RNFT2: variants seen among roughly 807,000 people sequenced by gnomAD.
The protein encoded by RNFT2 is E3 ubiquitin-protein ligase RNFT2.
RNFT2 carries 36 observed loss-of-function variants against 53.0 expected under a neutral mutation model. That is an observed-to-expected ratio of 0.68 (90% CI 0.52 to 0.90). The LOEUF (loss-of-function observed/expected upper bound fraction) is 0.90, where lower values mean the gene tolerates loss of function less well. Among genes scored for constraint, RNFT2 ranks in the 40% least tolerant of loss-of-function variants. The pLI is 0.00. For synonymous variants in RNFT2, 260 were observed against 253.2 expected (o/e 1.03, Z -0.26); for missense variants, 514 against 585.6 (o/e 0.88, Z 1.26).
chr12:116,822,360 CTG>C (rs748270090), intron 7 of RNFT2, among the ~76,000 whole-genome samples: 99 of 152,148 alleles, frequency 6.5e-4, no homozygotes, highest in Non-Finnish European at 1.1e-3. Flanking sequence ...CTCTCTCTCT[CTG>C]TGGCAATTCC....
chr12:116,833,702 T>G, intron 7 of RNFT2, 90 bp from the exon 8 acceptor site: 1 of 1,323,770 alleles, frequency 7.6e-7, no homozygotes, highest in Non-Finnish European at 1.1e-6. Context: ...TGACCTAGAA[T>G]GTCATCACTG....
rs945254877 is a variant in RNFT2, at chr12:116,783,067, G to A, written c.882+3719G>A. ...AATACATGTTGGCTACCAGGGTGAT[G>A]CTTTTAAATCACTACTATGCCCATC... is the stretch of plus-strand genomic sequence containing the variant. On this transcript the variant is annotated intron_variant, in intron 7 of 10. Transcript: ENST00000257575. Among the ~76,000 whole-genome samples the A allele has an allele frequency of 2.0e-5, 3 of 152,168 alleles. No homozygotes were observed. In the East Asian group the frequency reaches 5.8e-4, roughly 29 times the overall value.
At chr12:116,747,142 C>T (rs1000247300) in intron 3 of RNFT2, among the ~76,000 whole-genome samples, 2 of 152,132 alleles carry the variant, frequency 1.3e-5, no homozygotes, top group African/African-American at 2.4e-5. Flanking sequence ...CTGCAACCTC[C>T]ACCTCCTGGG....
At chr12:116,787,225 T>A (rs1000209942) in intron 7 of RNFT2, among the ~76,000 whole-genome samples, 1 of 152,180 alleles carries the variant, frequency 6.6e-6, no homozygotes, top group African/African-American at 2.4e-5. Context: ...CTCTTCCAAC[T>A]CCCAAGCCCG....
chr12:116,760,330 C>G (rs918578491), intron 5 of RNFT2, among the ~76,000 whole-genome samples: 2 of 152,204 alleles, frequency 1.3e-5, no homozygotes, highest in South Asian at 4.1e-4. Context: ...AGTCTGCACA[C>G]TGGATTTGCA....
chr12:116,819,482 G>GA (rs1875879717), intron 7 of RNFT2, among the ~76,000 whole-genome samples: 1 of 152,094 alleles, frequency 6.6e-6, no homozygotes, highest in South Asian at 2.1e-4. Flanking sequence ...GCTCGCCGAG[G>GA]AGTCGATTTG....
At chr12:116,828,131 C>T (rs114104771) in intron 7 of RNFT2, among the ~76,000 whole-genome samples, 5,677 of 152,286 alleles carry the variant, frequency 0.037, 162 homozygotes, top group African/African-American at 0.072. Flanking sequence ...GGCGCTCAGA[C>T]CAGTGACCAT....
intron 10 of RNFT2, among the ~76,000 whole-genome samples, chr12:116,839,128 T>C (rs1281578748): frequency 2.6e-5 from 4 of 152,214 alleles, no homozygotes; most frequent in Non-Finnish European, 5.9e-5. Flanking sequence ...CATAGATGCC[T>C]GTGTTTTTCC....
At chr12:116,740,549 C>A in intron 2 of RNFT2, 28 bp downstream of exon 2, 2 of 1,555,726 alleles carry the variant, frequency 1.3e-6, no homozygotes, top group East Asian at 2.4e-5. Context: ...GAATTTGCAT[C>A]TTTATTACTA....
chr12:116,750,121 C>T lies in RNFT2; in HGVS notation c.364C>T (p.Arg122Cys), dbSNP rs764785579. ...PHHHFHHGGH[R>C]GGSLLQHVGG... is the part of the protein sequence containing the mutation. Reference sequence around the variant, plus strand: ...CCACCATTTCCACCATGGCGGCCACCGCGGGGGCTCCCTGCTGCAGCACGT... The same window carrying T: ...CCACCATTTCCACCATGGCGGCCACTGCGGGGGCTCCCTGCTGCAGCACGT... Residue 122 changes from arginine to cysteine, a missense_variant, in exon 4 of 11, where the codon CGC (arginine) becomes TGC (cysteine). By Grantham distance (180) the Arg-to-Cys change is radical (BLOSUM62 -3). Around this residue, in one of 3 missense-constraint regions of RNFT2, gnomAD observed 237 missense variants for 235.1 expected, o/e 1.01. Coordinates refer to ENST00000257575, the MANE Select transcript of RNFT2 (RefSeq NM_001382266.1). 1.6e-5 allele frequency: 25 copies of T among 1,569,560 alleles called. No individual in the cohort carries two copies. Among genetic ancestry groups the T allele is most frequent in the Non-Finnish European group, 2.1e-5 (25 of 1,164,190 alleles).
At chr12:116,846,367 G>A (rs1038434745) in intron 10 of RNFT2, among the ~76,000 whole-genome samples, 4 of 151,186 alleles carry the variant, frequency 2.6e-5, no homozygotes, top group South Asian at 4.2e-4. Context: ...AACCTCCTGG[G>A]CTCAAGCAAT....
intron 7 of RNFT2, among the ~76,000 whole-genome samples, chr12:116,824,564 A>C (rs73405186): frequency 0.02 from 3,070 of 152,300 alleles, 118 homozygotes; most frequent in African/African-American, 0.071. Context: ...TGGTAGCAAG[A>C]GCACCAGCCA....
At position 116,794,701 on chromosome 12, in the gene RNFT2, G is replaced by GAA. The variant is rs1874422707; in HGVS notation, c.882+15353_882+15354insAA. Among the ~76,000 whole-genome samples, 2 of 71,834 alleles carry GAA rather than the reference G, an allele frequency of 2.8e-5. 1 individual carries two copies. The allele number at this position is 71,834 out of a possible 152,430, so 47.1% of individuals were successfully genotyped here. A position where few individuals can be genotyped will look rare whatever the true frequency, so the allele number is the denominator to read the frequency against. ...GAGGGAGGGAGGGAGGGAAGGGAAG[G>GAA]GAGGAAAGAAAGAAAGAAATGAATT... On this transcript the variant is annotated intron_variant, in intron 7 of 10. Coordinates refer to ENST00000257575, the MANE Select transcript of RNFT2 (RefSeq NM_001382266.1).
At chr12:116,779,744 G>C (rs977347167) in intron 7 of RNFT2, among the ~76,000 whole-genome samples, 4 of 152,208 alleles carry the variant, frequency 2.6e-5, no homozygotes, top group African/African-American at 9.7e-5. Context: ...ATTTTATAGA[G>C]GGGACTGAGG....
intron 10 of RNFT2, among the ~76,000 whole-genome samples, chr12:116,844,005 A>G (rs1877485399): frequency 1.3e-5 from 2 of 152,198 alleles, no homozygotes; most frequent in African/African-American, 4.8e-5. Context: ...AGCATTTAGA[A>G]CAGTGGTTCC....
rs900765836 is a variant in RNFT2, at chr12:116,836,044, G to A, written c.1098+19G>A. 1.9e-6 allele frequency: 3 copies of A among 1,613,742 alleles called. No homozygotes were observed. The highest frequency in any genetic ancestry group is 1.7e-5 in the Admixed American group (1 of 60,008). ...CTCTCAGGTGAGTTGGCTTCAGGTG[G>A]TCCCCACCAGGGTCCTGAGAATCAG... On this transcript the variant is annotated intron_variant, in intron 9 of 10. Coordinates refer to ENST00000257575, the MANE Select transcript of RNFT2 (RefSeq NM_001382266.1).
chr12:116,821,566 C>T (rs1876025494), intron 7 of RNFT2, among the ~76,000 whole-genome samples: 1 of 152,180 alleles, frequency 6.6e-6, no homozygotes, highest in Admixed American at 6.5e-5. Context: ...GACTTGTGGC[C>T]CCCATACCCT....
intron 4 of RNFT2, among the ~76,000 whole-genome samples, 194 bp downstream of exon 4, chr12:116,750,501 C>T (rs1872139786): frequency 6.6e-6 from 1 of 152,088 alleles, no homozygotes; most frequent in Non-Finnish European, 1.5e-5. Context: ...AGGCAAGTCA[C>T]TTGGCTTCTC....
rs117866060 is a variant in RNFT2, at chr12:116,851,780, A to G, written c.*2332A>G. ...GAAAGAAAGAAGGGAGGGAGGGAGG[A>G]AGGAAGGAAGGAAGGAAAGAAAGAA... On this transcript the variant is annotated 3_prime_UTR_variant, in exon 11 of 11. Transcript: ENST00000257575. 0.011 allele frequency: 8,042 copies of G among 765,782 alleles called. 67 individuals are homozygous for G. The highest frequency in any genetic ancestry group is 0.013 in the Non-Finnish European group (6,010 of 456,750). The allele number at this position is 765,782 out of a possible 1,614,324, so 47.4% of individuals were successfully genotyped here.
Sources: allele counts gnomAD v4.1 joint callset (sites outside exome capture counted in the v4.1 genomes callset), GRCh38; gene constraint gnomAD v4.1.1; regional missense constraint gnomAD v4.1.1; transcripts MANE v1.5; gene names NCBI Gene and HGNC (gene_info 2026-07-23, HGNC 2026-07-21).